Variants in ARHGAP15 observed in about 807,000 individuals in gnomAD.
The protein encoded by ARHGAP15 is Rho GTPase activating protein 15.
Under a neutral mutation model 63.7 loss-of-function variants are expected in ARHGAP15, and 51 were observed. The observed-to-expected ratio is 0.80, with a 90% CI of 0.64 to 1.01. ARHGAP15 has a LOEUF of 1.01. Among genes scored for constraint, ARHGAP15 ranks in the 50% least tolerant of loss-of-function variants. The probability of loss-of-function intolerance (pLI) is 0.00; values close to 1 mark genes in which losing one functional copy is unlikely to be tolerated. For synonymous variants in ARHGAP15, 191 were observed against 193.8 expected (o/e 0.99, Z 0.12); for missense variants, 560 against 564.6 (o/e 0.99, Z 0.08).
intron 6 of ARHGAP15, among the ~76,000 whole-genome samples, chr2:143,333,926 A>G (rs1242637624): frequency 6.6e-6 from 1 of 152,204 alleles, no homozygotes; most frequent in Non-Finnish European, 1.5e-5. Flanking sequence ...TAAAAGTGTA[A>G]TTTACTTGCA....
At chr2:143,195,486 T>C (rs958787094) in intron 2 of ARHGAP15, among the ~76,000 whole-genome samples, 1 of 152,068 alleles carries the variant, frequency 6.6e-6, no homozygotes. Flanking sequence ...GAAGATTAAC[T>C]GTAAAGAAAA....
At chr2:143,671,092 A>G (rs867685785) in intron 12 of ARHGAP15, among the ~76,000 whole-genome samples, 1 of 152,250 alleles carries the variant, frequency 6.6e-6, no homozygotes, top group Non-Finnish European at 1.5e-5. Context: ...TAAATAACAT[A>G]GTCTATGTAA....
chr2:143,269,486 A>G (rs1681161929), intron 6 of ARHGAP15, among the ~76,000 whole-genome samples: 1 of 152,196 alleles, frequency 6.6e-6, no homozygotes, highest in Non-Finnish European at 1.5e-5. Context: ...CTCTGAATTA[A>G]TATAGCCTCA....
chr2:143,413,964 T>TGCACGCGCGC (rs1263567075), intron 6 of ARHGAP15, among the ~76,000 whole-genome samples: 1 of 67,028 alleles, frequency 1.5e-5, no homozygotes, highest in Non-Finnish European at 3.0e-5. Context: ...TGTGTGTGTG[T>TGCACGCGCGC]GTGCGCGCTC....
At chr2:143,514,442 GA>G (rs1693717559) in intron 9 of ARHGAP15, among the ~76,000 whole-genome samples, 1 of 152,282 alleles carries the variant, frequency 6.6e-6, no homozygotes, top group South Asian at 2.1e-4. Flanking sequence ...AAATTAAACT[GA>G]AGGCATAACT....
chr2:143,668,688 A>G (rs1010616833), intron 12 of ARHGAP15, among the ~76,000 whole-genome samples: 3 of 152,212 alleles, frequency 2.0e-5, no homozygotes, highest in Non-Finnish European at 4.4e-5. Context: ...TTCTTGTCTT[A>G]GAGAAGCCTG....
At chr2:143,519,405 C>T (rs983893925) in intron 10 of ARHGAP15, 41 bp downstream of exon 10, 2 of 1,500,806 alleles carry the variant, frequency 1.3e-6, no homozygotes, top group Admixed American at 1.7e-5. Flanking sequence ...CATTACTGCA[C>T]CCTCTACACA....
intron 9 of ARHGAP15, among the ~76,000 whole-genome samples, chr2:143,500,065 T>G (rs1032490164): frequency 2.6e-5 from 4 of 151,848 alleles, no homozygotes; most frequent in Non-Finnish European, 4.4e-5. Context: ...GTAAAGAAAT[T>G]TATGAAAAAG....
chr2:143,188,613 CATT>C (rs143767405), intron 2 of ARHGAP15, among the ~76,000 whole-genome samples: 31,654 of 140,526 alleles, frequency 0.23, 3,589 homozygotes, highest in Admixed American at 0.3. Context: ...ATTATTTTGT[CATT>C]ATTATTATTA....
At chr2:143,482,719 T>C (rs1476940292) in intron 8 of ARHGAP15, among the ~76,000 whole-genome samples, 2 of 152,238 alleles carry the variant, frequency 1.3e-5, no homozygotes, top group African/African-American at 4.8e-5. Context: ...CAAAGACTTT[T>C]ACGGCTGTTT....
At chr2:143,259,996 ATTTT>A (rs1286576378) in intron 6 of ARHGAP15, among the ~76,000 whole-genome samples, 1 of 152,104 alleles carries the variant, frequency 6.6e-6, no homozygotes, top group African/African-American at 2.4e-5. Context: ...CTAAGCATGA[ATTTT>A]TTTAAGTTAT....
chr2:143,700,947 A>G (rs377390865), intron 12 of ARHGAP15, among the ~76,000 whole-genome samples: 4 of 152,154 alleles, frequency 2.6e-5, no homozygotes, highest in African/African-American at 9.6e-5. Flanking sequence ...ACTATTTGGC[A>G]GAAAAGATGA....
intron 1 of ARHGAP15, among the ~76,000 whole-genome samples, chr2:143,154,239 A>T (rs1689991588): frequency 6.6e-6 from 1 of 151,908 alleles, no homozygotes; most frequent in Non-Finnish European, 1.5e-5. Flanking sequence ...AGCACATAGT[A>T]GATACTAAGT....
At chr2:143,288,146 T>G (rs1304193747) in intron 6 of ARHGAP15, among the ~76,000 whole-genome samples, 3 of 152,128 alleles carry the variant, frequency 2.0e-5, no homozygotes, top group Non-Finnish European at 4.4e-5. Flanking sequence ...TGTGATTCAA[T>G]AGTATATAAA....
chr2:143,598,872 G>A (rs897912079), intron 11 of ARHGAP15, among the ~76,000 whole-genome samples: 17 of 151,760 alleles, frequency 1.1e-4, no homozygotes, highest in African/African-American at 3.6e-4. Flanking sequence ...AGCTATGATC[G>A]CACCACTGCA....
intron 12 of ARHGAP15, among the ~76,000 whole-genome samples, chr2:143,636,000 T>C (rs1680292299): frequency 1.3e-5 from 2 of 152,172 alleles, no homozygotes; most frequent in Admixed American, 1.3e-4. Flanking sequence ...ATTGGAATTC[T>C]AAAAGATCAA....
In ARHGAP15 at chr2:143,368,872, G is replaced by A. The variant is rs1038063903; in HGVS notation, c.475-66729G>A. ...CCAGATAGATTCTCCAGTTTGCATT[G>A]ATGATTAGATCACTACTACCTTATG... On this transcript the variant is annotated intron_variant, in intron 6 of 13. Transcript: ENST00000295095. Among the ~76,000 whole-genome samples, 3 of 152,076 alleles carry A rather than the reference G, an allele frequency of 2.0e-5. No homozygotes were observed. In the East Asian group the frequency reaches 5.8e-4, roughly 29 times the overall value.
chr2:143,232,665 T>A (rs1693492919), intron 5 of ARHGAP15, among the ~76,000 whole-genome samples: 1 of 152,172 alleles, frequency 6.6e-6, no homozygotes, highest in African/African-American at 2.4e-5. Flanking sequence ...CCCCTATCAG[T>A]TGTCCCTTTG....
At chr2:143,273,096 TTAAA>T (rs1335032202) in intron 6 of ARHGAP15, among the ~76,000 whole-genome samples, 2 of 152,144 alleles carry the variant, frequency 1.3e-5, no homozygotes, top group Admixed American at 1.3e-4. Context: ...TTAGATTAGT[TTAAA>T]TAAATTATTT....
Sources: gnomAD v4.1 joint callset for allele counts (sites outside exome capture counted in the v4.1 genomes callset) on GRCh38, gnomAD v4.1.1 for gene constraint, MANE v1.5 for transcripts, NCBI Gene and HGNC (gene_info 2026-07-23, HGNC 2026-07-21) for gene names.